Variants in LPCAT1 observed in about 807,000 individuals in gnomAD.
LPCAT1 encodes the protein 1-acylglycerol-3-phosphate O-acyltransferase.
In LPCAT1, 23 loss-of-function variants were observed where a neutral mutation model predicts 60.9. The ratio of observed to expected loss-of-function variants is 0.38; its 90% CI spans 0.27 to 0.53. The LOEUF (loss-of-function observed/expected upper bound fraction) is 0.53. LPCAT1 is among the 20% of genes least tolerant of loss of function. The pLI, the probability that LPCAT1 is intolerant of heterozygous loss-of-function variation, is 0.82. For synonymous variants in LPCAT1, 340 were observed against 301.1 expected (o/e 1.13, Z -1.34); for missense variants, 622 against 723.6 (o/e 0.86, Z 1.61).
rs535128 is a variant in LPCAT1 at position 1,483,828 on chromosome 5, G to T, written c.668-342C>A. Among the ~76,000 whole-genome samples, 350 of 131,086 alleles carry T rather than the reference G, an allele frequency of 2.7e-3. 7 individuals are homozygous for T. In the East Asian group the frequency reaches 0.067, roughly 25 times the overall value. The allele number at this position is 131,086 out of a possible 152,430, so 86.0% of individuals were successfully genotyped here. ...CATCCGTGGAGGGACACTTTCTGCT[G>T]TAACATCGCGCACCAGCTGGAAGGC... On this transcript the variant is annotated intron_variant, in intron 5 of 13. Transcript: ENST00000283415. This position sits in a 1 kb window ranked among gnomAD's most constrained non-coding sequence, Gnocchi z 9.2.
chr5:1,498,357 G>A (rs1023636877), intron 2 of LPCAT1, among the ~76,000 whole-genome samples: 4 of 152,194 alleles, frequency 2.6e-5, no homozygotes, highest in African/African-American at 9.7e-5. Flanking sequence ...GCCCAGGACT[G>A]TGCACCAAGG....
chr5:1,485,232 C>G (rs1735325852), intron 5 of LPCAT1, among the ~76,000 whole-genome samples: 1 of 152,164 alleles, frequency 6.6e-6, no homozygotes, highest in Non-Finnish European at 1.5e-5. Context: ...CCCAAGAGCA[C>G]AGAAACCCCC....
In LPCAT1 at chr5:1,487,876, A is replaced by G. The variant is rs1735429937; in HGVS notation, c.667+515T>C. 6.6e-6 allele frequency among the ~76,000 whole-genome samples: 1 copy of G among 152,164 alleles called. No homozygotes were observed. Among genetic ancestry groups the G allele is most frequent in the Non-Finnish European group, 1.5e-5 (1 of 68,014 alleles). On this transcript the variant is annotated intron_variant, in intron 5 of 13. Transcript: ENST00000283415. The surrounding 1 kb of genome is among the most constrained non-coding windows in gnomAD (Gnocchi z 6.1). ...CACTTCCCACGTCAGGGGTGCAGAC[A>G]CAATACTAGACCCAGGTAACCGCCG...
chr5:1,473,848 C>T (rs1345146077), intron 11 of LPCAT1, 109 bp downstream of exon 11: 7 of 1,392,122 alleles, frequency 5.0e-6, no homozygotes, highest in Non-Finnish European at 6.8e-6. Context: ...TTTTCCTTCT[C>T]TGCTTTCAAA....
intron 4 of LPCAT1, 149 bp from the exon 5 acceptor site, chr5:1,488,600 G>A (rs563324509): frequency 3.4e-6 from 2 of 582,308 alleles, no homozygotes; most frequent in East Asian, 2.9e-5. Flanking sequence ...TTATTAAAAT[G>A]CATTATGGAA....
rs775365825 is a variant in LPCAT1, at chr5:1,474,124, G to A, written c.1026-14C>T. On this transcript the variant is annotated splice_polypyrimidine_tract_variant and intron_variant, in intron 10 of 13. Coordinates refer to ENST00000283415, the MANE Select transcript of LPCAT1 (RefSeq NM_024830.5). ...TCTGGTTTTAGCCTAGACAAAAAAA[G>A]AGGGAAAGCTTTCTTTTTCAATAAA... 7 of 1,604,062 alleles carry A rather than the reference G, an allele frequency of 4.4e-6. No homozygotes were observed. The highest frequency in any genetic ancestry group is 1.7e-4 in the Middle Eastern group (1 of 6,022).
At chr5:1,474,509 C>T (rs374687549) in intron 10 of LPCAT1, 51 bp downstream of exon 10, 30 of 1,599,066 alleles carry the variant, frequency 1.9e-5, no homozygotes, top group African/African-American at 8.0e-5. Flanking sequence ...CGCCAGACCT[C>T]GGCATCACGG....
intron 12 of LPCAT1, among the ~76,000 whole-genome samples, chr5:1,469,818 A>G (rs1275184482): frequency 6.6e-6 from 1 of 151,546 alleles, no homozygotes; most frequent in Non-Finnish European, 1.5e-5. Flanking sequence ...GGGCACAGTG[A>G]AAGCAGGGCC....
chr5:1,523,601 G>A lies in LPCAT1; in HGVS notation c.135+109C>T. 2.5e-6 allele frequency: 2 copies of A among 789,098 alleles called. No individual in the cohort carries two copies. Among genetic ancestry groups the A allele is most frequent in the Non-Finnish European group, 3.1e-6 (2 of 645,990 alleles). The allele number at this position is 789,098 out of a possible 1,614,324, so 48.9% of individuals were successfully genotyped here. Reference sequence around the variant, plus strand: ...GGAAGGCGCCGCGGCTCGCAGGGCCGCGCCGCGCCCCAGGCCCCCTCCCCG... The same window carrying A: ...GGAAGGCGCCGCGGCTCGCAGGGCCACGCCGCGCCCCAGGCCCCCTCCCCG... On this transcript the variant is annotated intron_variant, in intron 1 of 13. Transcript: ENST00000283415. This position sits in a 1 kb window ranked among gnomAD's most constrained non-coding sequence, Gnocchi z 7.1.
chr5:1,501,635 TC>T, intron 1 of LPCAT1, 32 bp from the exon 2 acceptor site: 3 of 1,610,886 alleles, frequency 1.9e-6, no homozygotes, highest in Non-Finnish European at 2.5e-6. Context: ...ATCCAGAGAA[TC>T]CATGTAGGAC....
intron 1 of LPCAT1, among the ~76,000 whole-genome samples, chr5:1,513,593 C>T (rs1195308522): frequency 6.6e-6 from 1 of 152,246 alleles, no homozygotes; most frequent in African/African-American, 2.4e-5. Context: ...GACTCGGTTA[C>T]ACCTGACCCA....
At chr5:1,464,860 TAA>T (rs1734276806) in intron 13 of LPCAT1, among the ~76,000 whole-genome samples, 1 of 128,964 alleles carries the variant, frequency 7.8e-6, no homozygotes, top group Non-Finnish European at 1.6e-5. Flanking sequence ...GCACACACAG[TAA>T]ACACATGCGT....
intron 12 of LPCAT1, among the ~76,000 whole-genome samples, chr5:1,467,649 C>T (rs1265094499): frequency 1.3e-5 from 2 of 152,080 alleles, no homozygotes; most frequent in Non-Finnish European, 2.9e-5. Context: ...ATCCCTTTGT[C>T]CCTCTACCTC....
chr5:1,486,986 C>A (rs190776615), intron 5 of LPCAT1, among the ~76,000 whole-genome samples: 2 of 152,308 alleles, frequency 1.3e-5, no homozygotes, highest in Admixed American at 6.5e-5. Flanking sequence ...TCGTGATATG[C>A]GTTGAGAGGT....
intron 6 of LPCAT1, among the ~76,000 whole-genome samples, chr5:1,482,202 C>CG (rs1735173808): frequency 6.6e-6 from 1 of 151,678 alleles, no homozygotes; most frequent in Non-Finnish European, 1.5e-5. Flanking sequence ...GGGGCAAGGA[C>CG]GTGCGGGAGT....
rs1174030563 is a variant in LPCAT1, at chr5:1,477,903, G to A, written c.817-417C>T. On this transcript the variant is annotated intron_variant, in intron 8 of 13. Coordinates refer to ENST00000283415, the MANE Select transcript of LPCAT1 (RefSeq NM_024830.5). The surrounding 1 kb of genome is among the most constrained non-coding windows in gnomAD (Gnocchi z 6.0). ...GGCTCTCTGATCTACACTCACCCCC[G>A]TCAGTGCTCCTGGGAGCGCCTGCTG... Among the ~76,000 whole-genome samples the A allele has an allele frequency of 8.2e-6, 1 of 121,658 alleles. No individual in the cohort carries two copies. The highest frequency in any genetic ancestry group is 1.7e-5 in the Non-Finnish European group (1 of 58,104). The allele number at this position is 121,658 out of a possible 152,430, so 79.8% of individuals were successfully genotyped here. A position where few individuals can be genotyped will look rare whatever the true frequency, so the allele number is the denominator to read the frequency against.
chr5:1,506,836 G>A (rs1052265034), intron 1 of LPCAT1, among the ~76,000 whole-genome samples: 3 of 152,210 alleles, frequency 2.0e-5, no homozygotes, highest in African/African-American at 7.2e-5. Context: ...GAGAGCAAGC[G>A]TGCGTTTACA....
chr5:1,521,707 C>G lies in LPCAT1; in HGVS notation c.135+2003G>C, dbSNP rs1036168515. On this transcript the variant is annotated intron_variant, in intron 1 of 13. Transcript: ENST00000283415. This position sits in a 1 kb window ranked among gnomAD's most constrained non-coding sequence, Gnocchi z 4.3. ...CCCCCTCTCTGAGAGGCCCCAACAC[C>G]TCAAGCCAGGATCTCTGCCTGGCTT... is the stretch of plus-strand genomic sequence containing the variant. Among the ~76,000 whole-genome samples the G allele has an allele frequency of 6.6e-6, 1 of 152,210 alleles. No homozygotes were observed. The highest frequency in any genetic ancestry group is 2.4e-5 in the African/African-American group (1 of 41,450).
chr5:1,509,117 C>A (rs1288832837), intron 1 of LPCAT1, among the ~76,000 whole-genome samples: 1 of 152,276 alleles, frequency 6.6e-6, no homozygotes, highest in Non-Finnish European at 1.5e-5. Context: ...AATGCACCTG[C>A]AACGAGGCAG....
Sources: allele counts gnomAD v4.1 joint callset (sites outside exome capture counted in the v4.1 genomes callset), GRCh38; gene constraint gnomAD v4.1.1; non-coding constraint Gnocchi (gnomAD v3.1); transcripts MANE v1.5; gene names NCBI Gene and HGNC (gene_info 2026-07-23, HGNC 2026-07-21).